ZNF606: variants seen among roughly 807,000 people sequenced by gnomAD.
ZNF606 encodes the protein zinc finger protein 328.
In ZNF606, 37 loss-of-function variants were observed where a neutral mutation model predicts 74.9. That is an observed-to-expected ratio of 0.49 (90% CI 0.38 to 0.65). The LOEUF is 0.65. Ranked by LOEUF, ZNF606 falls within the 30% of genes least tolerant of loss-of-function variation. The pLI is 0.00. For synonymous variants in ZNF606, 328 were observed against 312.4 expected, an observed-to-expected ratio of 1.05 and a Z score of -0.53; for missense variants, 852 against 952.9, an observed-to-expected ratio of 0.89 and a Z score of 1.39.
Position 58,000,690 on chromosome 19 carries a change from G to A in ZNF606, c.81C>T (p.Ala27=). 6.2e-7 allele frequency: 1 copy of A among 1,613,522 alleles called. No individual in the cohort carries two copies. The highest frequency in any genetic ancestry group is 8.5e-7 in the Non-Finnish European group (1 of 1,179,706). Residue 27 remains alanine (A), a synonymous_variant, in exon 3 of 7, where the codon GCC becomes GCT. Coordinates refer to ENST00000551380, the MANE Select transcript of ZNF606 (RefSeq NM_001348022.3). Reference sequence around the variant, plus strand: ...ACCAGGCTCTTGACTCACCCCAGGAGGCCCATGGGTCAACAGCTGTCATCC... The same window carrying A: ...ACCAGGCTCTTGACTCACCCCAGGAAGCCCATGGGTCAACAGCTGTCATCC... ...SWGMTAVDPW[A]SWALCPQYPA... is the part of the protein sequence containing the mutation.
In ZNF606 at chr19:57,986,712, C is replaced by T. The variant is rs147327802; in HGVS notation, c.400+1495G>A. On this transcript the variant is annotated intron_variant, in intron 6 of 6. Coordinates refer to ENST00000551380, the MANE Select transcript of ZNF606 (RefSeq NM_001348022.3). The stretch of plus-strand genomic sequence containing the variant: ...ACAAAACAGCATAAAAGGAGGAGGG[C>T]AGAGCTATACACAAAGTTTTGGTAT... 3.8e-3 allele frequency among the ~76,000 whole-genome samples: 575 copies of T among 152,088 alleles called. 5 individuals are homozygous for T. The highest frequency in any genetic ancestry group is 0.013 in the African/African-American group (541 of 41,474).
chr19:57,978,877 A>C lies in ZNF606; in HGVS notation c.1803T>G (p.Cys601Trp). The C allele has an allele frequency of 6.2e-7, 1 of 1,614,134 alleles. No individual in the cohort carries two copies. The highest frequency in any genetic ancestry group is 8.5e-7 in the Non-Finnish European group (1 of 1,180,008). The change falls in exon 7 of 7, where the codon TGT (cysteine) becomes TGG (tryptophan). Residue 601 changes from cysteine to tryptophan, a missense_variant. Physicochemically the swap from Cys to Trp is radical, Grantham distance 215. Around this residue, in one of 3 missense-constraint regions of ZNF606, gnomAD observed 243 missense variants for 359.2 expected, o/e 0.68. Transcript: ENST00000551380. This position sits in a 1 kb window ranked among gnomAD's most constrained non-coding sequence, Gnocchi z 4.4. ...TGEKPYNCQE[C>W]GKAFRERSAL... ...CTGAGCGTTCTCTGAATGCTTTGCC[A>C]CATTCCTGACAGTTATATGGTTTCT...
In ZNF606 at chr19:58,002,476, C is replaced by T. The variant is rs1416094172; in HGVS notation, c.-132G>A. ...CCGCCTGGGGCGTTTGGCTTTTGTCCCGCGCCGAGGTCCGGCCCAGGAGTG... is the reference window on the plus strand; with the variant it reads ...CCGCCTGGGGCGTTTGGCTTTTGTCTCGCGCCGAGGTCCGGCCCAGGAGTG... On this transcript the variant is annotated 5_prime_UTR_variant, in exon 1 of 7. Coordinates refer to ENST00000551380, the MANE Select transcript of ZNF606 (RefSeq NM_001348022.3). 6.6e-6 allele frequency: 3 copies of T among 454,300 alleles called. No homozygotes were observed. The highest frequency in any genetic ancestry group is 1.3e-5 in the Non-Finnish European group (3 of 225,780). The allele number at this position is 454,300 out of a possible 1,614,324, so 28.1% of individuals were successfully genotyped here. A position where few individuals can be genotyped will look rare whatever the true frequency, so the allele number is the denominator to read the frequency against.
At position 57,982,102 on chromosome 19, in the gene ZNF606, G is replaced by A. The variant is rs561448496; in HGVS notation, c.401-1823C>T. 7.2e-5 allele frequency among the ~76,000 whole-genome samples: 11 copies of A among 152,232 alleles called. No homozygotes were observed. In the South Asian group the frequency reaches 1.2e-3, roughly 17 times the overall value. On this transcript the variant is annotated intron_variant, in intron 6 of 6. Coordinates refer to ENST00000551380, the MANE Select transcript of ZNF606 (RefSeq NM_001348022.3). Reference sequence around the variant, plus strand: ...GGTAACACAAATTTATGATCTTTCCGTTCTGGAAGTCAGAAGTCCAAAACG... The same window carrying A: ...GGTAACACAAATTTATGATCTTTCCATTCTGGAAGTCAGAAGTCCAAAACG...
At chr19:57,988,847 G>C (rs1461274102) in intron 4 of ZNF606, 126 bp from the exon 5 acceptor site, 8 of 1,467,832 alleles carry the variant, frequency 5.5e-6, no homozygotes, top group Non-Finnish European at 7.4e-6. Flanking sequence ...GGTTATTCAA[G>C]AGTCTGACTA....
intron 6 of ZNF606, among the ~76,000 whole-genome samples, chr19:57,981,010 T>C (rs1412566047): frequency 6.6e-6 from 1 of 152,152 alleles, no homozygotes; most frequent in East Asian, 1.9e-4. Flanking sequence ...TTGAAGCACA[T>C]TTACTTTTAA....
chr19:57,995,184 T>C (rs2073315995), intron 4 of ZNF606, among the ~76,000 whole-genome samples: 2 of 129,558 alleles, frequency 1.5e-5, no homozygotes, highest in African/African-American at 6.1e-5. Context: ...AATGAGACTC[T>C]GACTCAAAAA....
chr19:58,000,022 T>G (rs1252483527), intron 3 of ZNF606, 126 bp from the exon 4 acceptor site: 1 of 753,006 alleles, frequency 1.3e-6, no homozygotes, highest in East Asian at 2.7e-5. Flanking sequence ...ACTTCCTCAT[T>G]CTATAGATGA....
intron 6 of ZNF606, among the ~76,000 whole-genome samples, chr19:57,983,285 C>T (rs372488455): frequency 1.3e-5 from 2 of 152,158 alleles, no homozygotes; most frequent in East Asian, 1.9e-4. Flanking sequence ...CATGAAATAT[C>T]ACTCTGAGGT....
At position 58,002,517 on chromosome 19, in the gene ZNF606, G is replaced by A. The variant is rs1021613880; in HGVS notation, c.-173C>T. 5.3e-5 allele frequency: 23 copies of A among 436,742 alleles called. No individual in the cohort carries two copies. The highest frequency in any genetic ancestry group is 4.2e-4 in the African/African-American group (21 of 49,494). The allele number at this position is 436,742 out of a possible 1,614,324, so 27.1% of individuals were successfully genotyped here. On this transcript the variant is annotated 5_prime_UTR_variant, in exon 1 of 7. Transcript: ENST00000551380. Reference sequence around the variant, plus strand: ...CCCAGGAGTGCGCTTGGGAGCTCCCGGCGCGGCCTCGGGGACAAAGGCCCG... The same window carrying A: ...CCCAGGAGTGCGCTTGGGAGCTCCCAGCGCGGCCTCGGGGACAAAGGCCCG...
chr19:57,978,966 C>T lies in ZNF606; in HGVS notation c.1714G>A (p.Glu572Lys). The change falls in exon 7 of 7, where the codon GAA becomes AAA. Residue 572 changes from glutamate (E) to lysine (K), a missense_variant. By Grantham distance (56) the Glu-to-Lys change is moderately conservative. Transcript: ENST00000551380. The surrounding 1 kb of genome is among the most constrained non-coding windows in gnomAD (Gnocchi z 4.4). ...HSGAKPYKCT[E>K]CGKSFSWSSH... ...CTCCAGCTGAAGGATTTTCCACATTCAGTACATTTATATGGTTTTGCTCCA... is the reference window on the plus strand; with the variant it reads ...CTCCAGCTGAAGGATTTTCCACATTTAGTACATTTATATGGTTTTGCTCCA... The T allele has an allele frequency of 6.2e-7, 1 of 1,614,124 alleles. No individual in the cohort carries two copies. The highest frequency in any genetic ancestry group is 8.5e-7 in the Non-Finnish European group (1 of 1,180,010).
At chr19:57,996,770 C>G (rs2073347476) in intron 4 of ZNF606, among the ~76,000 whole-genome samples, 1 of 152,128 alleles carries the variant, frequency 6.6e-6, no homozygotes, top group Admixed American at 6.5e-5. Flanking sequence ...CACAGGTCAC[C>G]CTCATGAGCT....
At chr19:57,980,596 G>A (rs2123267424) in intron 6 of ZNF606, among the ~76,000 whole-genome samples, 1 of 152,248 alleles carries the variant, frequency 6.6e-6, no homozygotes, top group Middle Eastern at 3.4e-3. Flanking sequence ...AGCACTTTGG[G>A]AGGCCGAGGC....
Position 57,984,900 on chromosome 19 carries a change from C to G in ZNF606, c.400+3307G>C, listed in dbSNP as rs566379621. Among the ~76,000 whole-genome samples, 13 of 152,284 alleles carry G rather than the reference C, an allele frequency of 8.5e-5. No homozygotes were observed. In the South Asian group the frequency reaches 1.0e-3, roughly 12 times the overall value. Reference sequence around the variant, plus strand: ...ACGAGGTCAGGAGATCAAGACCATCCTGGCTAACATGGTGAAACCCCAACT... The same window carrying G: ...ACGAGGTCAGGAGATCAAGACCATCGTGGCTAACATGGTGAAACCCCAACT... On this transcript the variant is annotated intron_variant, in intron 6 of 6. Coordinates refer to ENST00000551380, the MANE Select transcript of ZNF606 (RefSeq NM_001348022.3).
intron 3 of ZNF606, 185 bp downstream of exon 3, chr19:58,000,498 C>T (rs2073405615): frequency 7.2e-6 from 5 of 695,974 alleles, no homozygotes; most frequent in Middle Eastern, 4.6e-4. Flanking sequence ...GTGCTGTAGG[C>T]GTGAGTCACC....
chr19:57,982,083 A>C (rs1482061542), intron 6 of ZNF606, among the ~76,000 whole-genome samples: 1 of 152,202 alleles, frequency 6.6e-6, no homozygotes, highest in Non-Finnish European at 1.5e-5. Context: ...TTAAGGTAAC[A>C]CAAATTTATG....
At chr19:57,993,102 G>A (rs1336166083) in intron 4 of ZNF606, among the ~76,000 whole-genome samples, 1 of 152,154 alleles carries the variant, frequency 6.6e-6, no homozygotes, top group East Asian at 1.9e-4. Context: ...GTACTTTGCA[G>A]ATGGAGGACA....
Position 57,979,401 on chromosome 19 carries a change from G to T in ZNF606, c.1279C>A (p.Pro427Thr), listed in dbSNP as rs199975943. ...QHKKTHTGEK[P>T]YECDKCGKVF... The stretch of plus-strand genomic sequence containing the variant: ...TTTCCACATTTATCACATTCATAGG[G>T]TTTTTCTCCAGTATGAGTTTTCTTA... Residue 427 changes from proline (P) to threonine (T), a missense_variant, in exon 7 of 7, where the codon CCC becomes ACC. This residue lies in a region of ZNF606 where 545 missense variants were observed against 542.5 expected (regional missense o/e 1.00). Coordinates refer to ENST00000551380, the MANE Select transcript of ZNF606 (RefSeq NM_001348022.3). 3.7e-6 allele frequency: 6 copies of T among 1,613,734 alleles called. No individual in the cohort carries two copies. The highest frequency in any genetic ancestry group is 5.1e-6 in the Non-Finnish European group (6 of 1,179,906).
At chr19:57,987,658 T>C (rs1210118894) in intron 6 of ZNF606, among the ~76,000 whole-genome samples, 3 of 151,808 alleles carry the variant, frequency 2.0e-5, no homozygotes, top group Non-Finnish European at 2.9e-5. Context: ...TGAAACCCCG[T>C]CTCTACTAAA....
Sources: allele counts gnomAD v4.1 joint callset (sites outside exome capture counted in the v4.1 genomes callset), GRCh38; gene constraint gnomAD v4.1.1; regional missense constraint gnomAD v4.1.1; non-coding constraint Gnocchi (gnomAD v3.1); transcripts MANE v1.5; gene names NCBI Gene and HGNC (gene_info 2026-07-23, HGNC 2026-07-21).